FBXO4: variants seen among roughly 807,000 people sequenced by gnomAD.
FBXO4 encodes the protein F-box protein 4.
In FBXO4, 36 loss-of-function variants were observed where a neutral mutation model predicts 43.7. That is an observed-to-expected ratio of 0.82 (90% confidence interval 0.63 to 1.09). FBXO4 has a LOEUF of 1.09. FBXO4 is among the 50% of genes least tolerant of loss of function. The pLI is 0.00. For synonymous variants in FBXO4, 180 were observed against 165.6 expected (o/e 1.09, Z -0.67); for missense variants, 435 against 474.1 (o/e 0.92, Z 0.77).
chr5:42,003,435 G>A, the FBXO4 span, among the ~76,000 whole-genome samples: 1 of 152,144 alleles, frequency 6.6e-6, no homozygotes, highest in Non-Finnish European at 1.5e-5. Context: ...TGTTGGCTTG[G>A]TAAAAATGAT....
chr5:41,970,881 C>A, the FBXO4 span, among the ~76,000 whole-genome samples: 2 of 151,902 alleles, frequency 1.3e-5, no homozygotes, highest in South Asian at 4.2e-4. Context: ...TATGGCAAAG[C>A]AACCAGACAA....
the FBXO4 span, among the ~76,000 whole-genome samples, chr5:42,036,289 G>A: frequency 4.8e-4 from 73 of 151,776 alleles, no homozygotes; most frequent in African/African-American, 1.7e-3. Flanking sequence ...GTAAAGTTAT[G>A]TCTACAGAAG....
At chr5:41,930,822 T>C (rs924389638) in intron 3 of FBXO4, among the ~76,000 whole-genome samples, 1 of 152,082 alleles carries the variant, frequency 6.6e-6, no homozygotes, top group Non-Finnish European at 1.5e-5. Flanking sequence ...GCCTGGCTAA[T>C]TTTTTTGGTA....
At chr5:41,971,205 G>GGTGT in the FBXO4 span, among the ~76,000 whole-genome samples, 573 of 147,456 alleles carry the variant, frequency 3.9e-3, 1 homozygote, top group Admixed American at 5.8e-3. Context: ...ACTAGAGAGA[G>GGTGT]GTGTGTGTGT....
the FBXO4 span, chr5:41,963,957 A>G: frequency 6.6e-6 from 1 of 152,272 alleles, no homozygotes; most frequent in South Asian, 2.1e-4. Flanking sequence ...ACACCATTGC[A>G]CTCAGAGCAG....
chr5:42,002,509 TAAG>T, the FBXO4 span, among the ~76,000 whole-genome samples: 1 of 152,190 alleles, frequency 6.6e-6, no homozygotes, highest in African/African-American at 2.4e-5. Flanking sequence ...ATTGCCCAAC[TAAG>T]ATTTTTATTG....
chr5:41,980,682 C>T, the FBXO4 span, among the ~76,000 whole-genome samples: 1 of 151,636 alleles, frequency 6.6e-6, no homozygotes, highest in Non-Finnish European at 1.5e-5. Flanking sequence ...GCATCCCTTT[C>T]TTTGTGAATT....
At chr5:42,025,704 G>A in the FBXO4 span, among the ~76,000 whole-genome samples, 1,438 of 151,924 alleles carry the variant, frequency 9.5e-3, 21 homozygotes, top group African/African-American at 0.033. Flanking sequence ...AATTCATTTT[G>A]ATTTGATTTT....
the FBXO4 span, among the ~76,000 whole-genome samples, chr5:41,987,975 T>A: frequency 6.6e-6 from 1 of 152,218 alleles, no homozygotes; most frequent in Non-Finnish European, 1.5e-5. Context: ...CATATCTGAT[T>A]CTGGCTTTGA....
the FBXO4 span, among the ~76,000 whole-genome samples, chr5:41,999,068 C>T: frequency 0.099 from 14,252 of 143,364 alleles, 911 homozygotes; most frequent in African/African-American, 0.2. Flanking sequence ...ATATGGACCA[C>T]ATATGGTTCA....
chr5:41,974,186 C>A, the FBXO4 span, among the ~76,000 whole-genome samples: 1 of 152,116 alleles, frequency 6.6e-6, no homozygotes, highest in Non-Finnish European at 1.5e-5. Context: ...TATCCTTGGT[C>A]TGGGGTGTGT....
At chr5:42,012,529 A>C in the FBXO4 span, among the ~76,000 whole-genome samples, 2 of 152,140 alleles carry the variant, frequency 1.3e-5, no homozygotes, top group African/African-American at 4.8e-5. Context: ...TGTTGGCAAT[A>C]ATAGCCACAA....
the FBXO4 span, chr5:41,963,986 C>G: frequency 6.6e-6 from 1 of 152,134 alleles, no homozygotes; most frequent in East Asian, 1.9e-4. Context: ...ATTTTTTATG[C>G]TTCTTCTAGG....
chr5:41,959,572 G>A, the FBXO4 span, among the ~76,000 whole-genome samples: 2 of 152,014 alleles, frequency 1.3e-5, no homozygotes, highest in African/African-American at 4.8e-5. Flanking sequence ...GCTTTGAGAC[G>A]ATGGTCTATT....
rs757777710 is a variant in FBXO4 at position 41,925,454 on chromosome 5, C to T, written c.145C>T (p.Arg49Trp). 53 of 1,345,964 alleles carry T rather than the reference C, an allele frequency of 3.9e-5. No individual in the cohort carries two copies. Among genetic ancestry groups the T allele is most frequent in the Non-Finnish European group, 5.1e-5 (53 of 1,041,788 alleles). The allele number at this position is 1,345,964 out of a possible 1,614,324, so 83.4% of individuals were successfully genotyped here. A position where few individuals can be genotyped will look rare whatever the true frequency, so the allele number is the denominator to read the frequency against. ...GGAGAGGGTGGCGCGTACGACCTCA[C>T]GGGAGGAGGTGGATGAGGCGGCCAG... The part of the protein sequence containing the change: ...SKERVARTTS[R>W]EEVDEAASTL... Residue 49 changes from arginine to tryptophan, a missense_variant, in exon 1 of 7, where the codon CGG becomes TGG. Physicochemically the swap from Arg to Trp is moderately radical, Grantham distance 101. Transcript: ENST00000281623.
At chr5:41,986,349 C>T in the FBXO4 span, among the ~76,000 whole-genome samples, 1 of 151,898 alleles carries the variant, frequency 6.6e-6, no homozygotes, top group Non-Finnish European at 1.5e-5. Flanking sequence ...AAAAACAAAT[C>T]CAAGCCCCAC....
At chr5:41,984,673 G>C in the FBXO4 span, among the ~76,000 whole-genome samples, 43 of 152,078 alleles carry the variant, frequency 2.8e-4, no homozygotes, top group African/African-American at 1.0e-3. Flanking sequence ...GATAAGCCCC[G>C]CAAATTTTTG....
chr5:42,021,826 A>C, the FBXO4 span, among the ~76,000 whole-genome samples: 1 of 152,148 alleles, frequency 6.6e-6, no homozygotes, highest in Non-Finnish European at 1.5e-5. Context: ...AAGAGACAGA[A>C]TGTTGAAGAA....
At chr5:41,998,941 A>T in the FBXO4 span, among the ~76,000 whole-genome samples, 2 of 152,084 alleles carry the variant, frequency 1.3e-5, no homozygotes, top group Admixed American at 1.3e-4. Flanking sequence ...CCGTGAGTTC[A>T]TAGTTTTCTT....
Sources: gnomAD v4.1 joint callset for allele counts (sites outside exome capture counted in the v4.1 genomes callset) on GRCh38, gnomAD v4.1.1 for gene constraint, MANE v1.5 for transcripts, NCBI Gene and HGNC (gene_info 2026-07-23, HGNC 2026-07-21) for gene names.